Variants in MAP1LC3B observed in about 807,000 individuals in gnomAD.
MAP1LC3B encodes the protein microtubule associated protein 1 light chain 3 beta, also known as microtubule-associated protein 1 light chain 3 beta.
In MAP1LC3B, 12 loss-of-function variants were observed where a neutral mutation model predicts 16.7. The observed-to-expected ratio is 0.72, with a 90% CI of 0.46 to 1.16. MAP1LC3B has a LOEUF of 1.16. Among genes scored for constraint, MAP1LC3B ranks in the 50% most tolerant of loss-of-function variants. The pLI is 0.00. For missense variants in MAP1LC3B, 155 were observed against 159.5 expected (o/e 0.97, Z 0.15); for synonymous variants, 63 against 56.5 (o/e 1.11, Z -0.51).
intron 1 of MAP1LC3B, among the ~76,000 whole-genome samples, chr16:87,397,445 G>T (rs985045400): frequency 2.0e-5 from 3 of 151,976 alleles, no homozygotes; most frequent in African/African-American, 2.4e-5. Flanking sequence ...GGTGAAACCC[G>T]TCTCTACTAA....
chr16:87,402,380 A>T, intron 3 of MAP1LC3B, 99 bp downstream of exon 3: 1 of 1,145,436 alleles, frequency 8.7e-7, no homozygotes, highest in Non-Finnish European at 1.2e-6. Context: ...TAAAATCTTT[A>T]AAAAATATTT....
rs144107314 is a variant in MAP1LC3B, at chr16:87,398,860, C to T, written c.86C>T (p.Thr29Ile). The change falls in exon 2 of 4, where the codon ACC becomes ATC. Residue 29 changes from threonine (T) to isoleucine (I), a missense_variant. Physicochemically the swap from Thr to Ile is moderately conservative, Grantham distance 89 (BLOSUM62 -1). Transcript: ENST00000268607. ...CGACTTATTCGAGAGCAGCATCCAA[C>T]CAAAATCCCGGTAGGTAGTCTCAGG... Reference protein sequence around the residue: ...DVRLIREQHPTKIPVIIERYK... With the variant: ...DVRLIREQHPIKIPVIIERYK... The T allele has an allele frequency of 1.2e-6, 2 of 1,613,974 alleles. No homozygotes were observed. The highest frequency in any genetic ancestry group is 2.7e-5 in the African/African-American group (2 of 74,938).
intron 1 of MAP1LC3B, 62 bp downstream of exon 1, chr16:87,392,529 C>G (rs1907621039): frequency 7.2e-6 from 9 of 1,245,922 alleles, no homozygotes; most frequent in Non-Finnish European, 9.1e-6. Context: ...TGGAGGGCGG[C>G]AGGGCCTGGG....
At chr16:87,402,048 G>A (rs1422603796) in intron 2 of MAP1LC3B, 127 bp from the exon 3 acceptor site, 2 of 737,460 alleles carry the variant, frequency 2.7e-6, no homozygotes, top group African/African-American at 1.8e-5. Flanking sequence ...TGTTAGCCAG[G>A]GTGGTCTCAG....
chr16:87,399,812 C>G (rs149771206), intron 2 of MAP1LC3B: 2 of 292,130 alleles, frequency 6.8e-6, no homozygotes, highest in East Asian at 1.9e-4. Context: ...CTTGCTGTGT[C>G]GCCCAGGCTG....
chr16:87,398,756 G>C (rs1361139955), intron 1 of MAP1LC3B, 59 bp from the exon 2 acceptor site: 11 of 1,478,150 alleles, frequency 7.4e-6, no homozygotes, highest in African/African-American at 4.2e-5. Flanking sequence ...ACCAGCAGCA[G>C]TGCTGGGAAG....
chr16:87,398,783 A>G, intron 1 of MAP1LC3B, 32 bp from the exon 2 acceptor site: 1 of 1,608,246 alleles, frequency 6.2e-7, no homozygotes, highest in Non-Finnish European at 8.5e-7. Flanking sequence ...CCTGGCCCTT[A>G]GTAATGCTTC....
intron 1 of MAP1LC3B, chr16:87,393,457 C>A (rs1021378674): frequency 6.6e-6 from 1 of 152,180 alleles, no homozygotes; most frequent in African/African-American, 2.4e-5. Flanking sequence ...TGCCTAGTTT[C>A]CCGGAGTCTA....
intron 2 of MAP1LC3B, among the ~76,000 whole-genome samples, chr16:87,401,132 CAAAAAAAA>C (rs10543884): frequency 8.9e-5 from 6 of 67,574 alleles, no homozygotes; most frequent in African/African-American, 2.8e-4. Flanking sequence ...GACTCTGTCT[CAAAAAAAA>C]AAAAAAAAAA....
rs771851561 is a variant in MAP1LC3B at position 87,392,416 on chromosome 16, G to T, written c.-12G>T. The T allele has an allele frequency of 7.0e-7, 1 of 1,428,882 alleles. No individual in the cohort carries two copies. The highest frequency in any genetic ancestry group is 9.1e-7 in the Non-Finnish European group (1 of 1,100,316). 88.5% of individuals were successfully genotyped at this position (1,428,882 alleles called of 1,614,324 possible). ...GCGTCGTCGCCGCCGCCGCCGCCCA[G>T]ATCCCTGCACCATGCCGTCGGAGAA... On this transcript the variant is annotated 5_prime_UTR_variant, in exon 1 of 4. Transcript: ENST00000268607.
At chr16:87,395,852 C>CTTTT (rs72388667) in intron 1 of MAP1LC3B, among the ~76,000 whole-genome samples, 4 of 53,836 alleles carry the variant, frequency 7.4e-5, no homozygotes, top group Non-Finnish European at 9.6e-5. Flanking sequence ...TCCTTCTTTC[C>CTTTT]TTTTTTTTTT....
intron 2 of MAP1LC3B, chr16:87,399,105 C>G: frequency 1.9e-6 from 1 of 516,578 alleles, no homozygotes; most frequent in East Asian, 3.4e-5. Context: ...ACCTTGTGCT[C>G]AAGCAGTCCT....
At chr16:87,400,513 A>G (rs1907954453) in intron 2 of MAP1LC3B, among the ~76,000 whole-genome samples, 1 of 152,088 alleles carries the variant, frequency 6.6e-6, no homozygotes, top group Non-Finnish European at 1.5e-5. Flanking sequence ...ATTTAAAGAA[A>G]TATGTTATCA....
chr16:87,393,849 A>C (rs1907701649), intron 1 of MAP1LC3B, among the ~76,000 whole-genome samples: 1 of 152,200 alleles, frequency 6.6e-6, no homozygotes. Context: ...AAAGCGATCC[A>C]GCGGCCCCCC....
chr16:87,394,279 T>TAA (rs11403697), intron 1 of MAP1LC3B, among the ~76,000 whole-genome samples: 105 of 149,830 alleles, frequency 7.0e-4, no homozygotes, highest in South Asian at 2.7e-3. Flanking sequence ...TTTTGGTAAT[T>TAA]AAAAAAAAAA....
At chr16:87,402,101 C>G in intron 2 of MAP1LC3B, 74 bp from the exon 3 acceptor site, 16 of 1,479,826 alleles carry the variant, frequency 1.1e-5, no homozygotes, top group Non-Finnish European at 1.5e-5. Flanking sequence ...TCCCAAAATG[C>G]TGGGGTTACA....
chr16:87,398,722 C>G, intron 1 of MAP1LC3B, 93 bp from the exon 2 acceptor site: 1 of 1,092,498 alleles, frequency 9.2e-7, no homozygotes, highest in Non-Finnish European at 1.4e-6. Context: ...TGTGCCACAG[C>G]TAGCAGCTGA....
intron 2 of MAP1LC3B, 95 bp downstream of exon 2, chr16:87,398,965 CA>C: frequency 1.8e-6 from 2 of 1,082,688 alleles, no homozygotes; most frequent in Non-Finnish European, 2.8e-6. Flanking sequence ...CAGGAATCAC[CA>C]GACAGCCAAA....
At chr16:87,394,085 T>G (rs1907713712) in intron 1 of MAP1LC3B, among the ~76,000 whole-genome samples, 1 of 152,116 alleles carries the variant, frequency 6.6e-6, no homozygotes, top group Non-Finnish European at 1.5e-5. Flanking sequence ...GCCCTGAGGG[T>G]AGACCAGCAA....
Sources: allele counts gnomAD v4.1 joint callset (sites outside exome capture counted in the v4.1 genomes callset), GRCh38; gene constraint gnomAD v4.1.1; transcripts MANE v1.5; gene names NCBI Gene and HGNC (gene_info 2026-07-23, HGNC 2026-07-21).